The following ITPRID2 variants were observed in gnomAD, a reference collection of about 807,000 sequenced individuals.
ITPRID2 encodes ITPR interacting domain containing 2.
In ITPRID2, 60 loss-of-function variants were observed where a neutral mutation model predicts 124.3. The ratio of observed to expected loss-of-function variants is 0.48; its 90% CI spans 0.39 to 0.60. The LOEUF is 0.60. ITPRID2 is among the 20% of genes least tolerant of loss of function. The pLI is 0.00. For synonymous variants in ITPRID2, 521 were observed against 542.9 expected (o/e 0.96, Z 0.56); for missense variants, 1,553 against 1,512.2 (o/e 1.03, Z -0.45).
At position 181,891,910 on chromosome 2, in the gene ITPRID2, CT is replaced by C; in HGVS notation, c.-156del. 2 of 539,376 alleles carry C rather than the reference CT, an allele frequency of 3.7e-6. No homozygotes were observed. The highest frequency in any genetic ancestry group is 4.2e-5 in the South Asian group (2 of 47,614). The allele number at this position is 539,376 out of a possible 1,614,324, so 33.4% of individuals were successfully genotyped here. A position where few individuals can be genotyped will look rare whatever the true frequency, so the allele number is the denominator to read the frequency against. On this transcript the variant is annotated 5_prime_UTR_variant, in exon 1 of 18. Coordinates refer to ENST00000431877, the MANE Select transcript of ITPRID2 (RefSeq NM_001130445.3). ...TCCCTCCCCTTCCTTCCCTCCCTCC[CT>C]CCCTGTCCCCTCCTCCTCCTCCTCC...
At chr2:181,923,187 G>T (rs1694610301) in intron 16 of ITPRID2, among the ~76,000 whole-genome samples, 2 of 152,162 alleles carry the variant, frequency 1.3e-5, no homozygotes, top group East Asian at 1.9e-4. Context: ...TAAAATAAAT[G>T]TTTTTTGCAC....
chr2:181,918,682 T>A lies in ITPRID2; in HGVS notation c.2865+7T>A. 6.2e-7 allele frequency: 1 copy of A among 1,613,900 alleles called. No homozygotes were observed. Among genetic ancestry groups the A allele is most frequent in the Non-Finnish European group, 8.5e-7 (1 of 1,179,818 alleles). ...TGTTCTACCTCTTTATGAAGTAAGT[T>A]CTTTCTTACATCTTTGTGTTCCAAA... is the stretch of plus-strand genomic sequence containing the variant. On this transcript the variant is annotated splice_region_variant and intron_variant, in intron 12 of 17. Transcript: ENST00000431877.
intron 16 of ITPRID2, among the ~76,000 whole-genome samples, chr2:181,924,969 G>A (rs1694739741): frequency 1.3e-5 from 2 of 152,288 alleles, no homozygotes; most frequent in African/African-American, 4.8e-5. Flanking sequence ...TACTTAATAG[G>A]ATGAATGAAT....
Position 181,910,709 on chromosome 2 carries a change from C to A in ITPRID2, c.1486+738C>A. The A allele has an allele frequency of 1.6e-6, 1 of 622,246 alleles. No individual in the cohort carries two copies. Among genetic ancestry groups the A allele is most frequent in the Non-Finnish European group, 2.9e-6 (1 of 343,842 alleles). 38.5% of individuals were successfully genotyped at this position (622,246 alleles called of 1,614,324 possible). A position where few individuals can be genotyped will look rare whatever the true frequency, so the allele number is the denominator to read the frequency against. On this transcript the variant is annotated intron_variant, in intron 9 of 17. Coordinates refer to ENST00000431877, the MANE Select transcript of ITPRID2 (RefSeq NM_001130445.3). The surrounding 1 kb of genome is among the most constrained non-coding windows in gnomAD (Gnocchi z 4.1). ...TTAAACAAAGATTCGTATGTATGTTCCTAGAATAGGAAATTACATGTTTGT... is the reference window on the plus strand; with the variant it reads ...TTAAACAAAGATTCGTATGTATGTTACTAGAATAGGAAATTACATGTTTGT...
intron 7 of ITPRID2, 95 bp downstream of exon 7, chr2:181,900,999 A>ATTC: frequency 1.0e-6 from 1 of 970,586 alleles, no homozygotes; most frequent in Non-Finnish European, 1.5e-6. Flanking sequence ...CAGGAATAGC[A>ATTC]CTGGAAAGTA....
intron 16 of ITPRID2, among the ~76,000 whole-genome samples, chr2:181,922,776 G>GCTGGA (rs1192332019): frequency 2.0e-5 from 3 of 152,096 alleles, no homozygotes; most frequent in Non-Finnish European, 4.4e-5. Flanking sequence ...GCATTTTATA[G>GCTGGA]CTGGACGTGG....
At position 181,918,753 on chromosome 2, in the gene ITPRID2, A is replaced by G. The variant is rs942775793; in HGVS notation, c.2866-2A>G. 1.9e-6 allele frequency: 3 copies of G among 1,613,806 alleles called. No homozygotes were observed. Among genetic ancestry groups the G allele is most frequent in the African/African-American group, 2.7e-5 (2 of 74,916 alleles). On this transcript the variant is annotated splice_acceptor_variant, in intron 12 of 17. Transcript: ENST00000431877. LOFTEE classifies it high-confidence loss of function. ...GTGTAATTTTGTTATATTGCATTCT[A>G]GAATACTTTTCAGGAGCTCCAGGTA...
Position 181,915,933 on chromosome 2 carries a change from A to G in ITPRID2, c.2293A>G (p.Arg765Gly). Residue 765 changes from arginine to glycine, a missense_variant, in exon 11 of 18, where the codon AGA (arginine) becomes GGA (glycine). Physicochemically the swap from Arg to Gly is moderately radical, Grantham distance 125. Transcript: ENST00000431877. ...NVRLSPGKET[R>G]CSPPSFTYKY... Reference sequence around the variant, plus strand: ...TCGATTATCTCCAGGAAAAGAGACCAGATGCAGCCCACCTTCCTTCACCTA... The same window carrying G: ...TCGATTATCTCCAGGAAAAGAGACCGGATGCAGCCCACCTTCCTTCACCTA... 6.2e-7 allele frequency: 1 copy of G among 1,614,238 alleles called. No individual in the cohort carries two copies. The highest frequency in any genetic ancestry group is 8.5e-7 in the Non-Finnish European group (1 of 1,180,042).
chr2:181,893,749 A>G (rs187323152), intron 2 of ITPRID2: 1 of 152,198 alleles, frequency 6.6e-6, no homozygotes, highest in Non-Finnish European at 1.5e-5. Flanking sequence ...TCTAGCTGTA[A>G]ATCAATCTCC....
chr2:181,926,958 A>G (rs145142627), intron 16 of ITPRID2, among the ~76,000 whole-genome samples: 50 of 152,304 alleles, frequency 3.3e-4, no homozygotes, highest in African/African-American at 1.1e-3. Flanking sequence ...TGAAAAGTAA[A>G]TCTGAAGTGC....
chr2:181,911,836 A>T (rs1161466525), intron 9 of ITPRID2, among the ~76,000 whole-genome samples: 2 of 152,176 alleles, frequency 1.3e-5, no homozygotes, highest in African/African-American at 4.8e-5. Flanking sequence ...CAGAGGAGAG[A>T]AGCTATATTG....
rs1186169083 is a variant in ITPRID2, at chr2:181,892,821, A to G, written c.257+161A>G. 10 of 756,546 alleles carry G rather than the reference A, an allele frequency of 1.3e-5. No individual in the cohort carries two copies. Among genetic ancestry groups the G allele is most frequent in the African/African-American group, 8.7e-5 (5 of 57,360 alleles). The allele number at this position is 756,546 out of a possible 1,614,324, so 46.9% of individuals were successfully genotyped here. A position where few individuals can be genotyped will look rare whatever the true frequency, so the allele number is the denominator to read the frequency against. ...AGCTTCCTCCTCTAAGCGATTAGAAATGGAAGTGCTGTGACCGCTGATTAT... is the reference window on the plus strand; with the variant it reads ...AGCTTCCTCCTCTAAGCGATTAGAAGTGGAAGTGCTGTGACCGCTGATTAT... On this transcript the variant is annotated intron_variant, in intron 2 of 17. Coordinates refer to ENST00000431877, the MANE Select transcript of ITPRID2 (RefSeq NM_001130445.3). The surrounding 1 kb of genome is among the most constrained non-coding windows in gnomAD (Gnocchi z 5.2).
chr2:181,922,248 G>A lies in ITPRID2; in HGVS notation c.3511G>A (p.Asp1171Asn). The change falls in exon 16 of 18, where the codon GAT becomes AAT. Residue 1171 changes from aspartate to asparagine, a missense_variant. Physicochemically the swap from Asp to Asn is conservative, Grantham distance 23 (BLOSUM62 1). Coordinates refer to ENST00000431877, the MANE Select transcript of ITPRID2 (RefSeq NM_001130445.3). ...SRTGSVQTPP[D>N]LESSEEVDAA... The stretch of plus-strand genomic sequence containing the variant: ...AACAGGCTCTGTGCAGACACCTCCA[G>A]ATTTGGAAAGTTCTGAGGAAGTTGA... 1 of 1,614,236 alleles carries A rather than the reference G, an allele frequency of 6.2e-7. No individual in the cohort carries two copies. Among genetic ancestry groups the A allele is most frequent in the Non-Finnish European group, 8.5e-7 (1 of 1,180,046 alleles).
intron 8 of ITPRID2, among the ~76,000 whole-genome samples, chr2:181,906,887 G>A (rs1007398287): frequency 2.0e-5 from 3 of 152,214 alleles, no homozygotes; most frequent in Non-Finnish European, 4.4e-5. Flanking sequence ...ATGTTGGTAT[G>A]GTCAGGCATT....
Position 181,930,643 on chromosome 2 carries a change from A to T in ITPRID2, c.*1096A>T, listed in dbSNP as rs1695208839. The T allele has an allele frequency of 1.3e-5, 2 of 152,574 alleles. No homozygotes were observed. Among genetic ancestry groups the T allele is most frequent in the African/African-American group, 4.8e-5 (2 of 41,446 alleles). 9.5% of individuals were successfully genotyped at this position (152,574 alleles called of 1,614,324 possible). On this transcript the variant is annotated 3_prime_UTR_variant, in exon 18 of 18. Coordinates refer to ENST00000431877, the MANE Select transcript of ITPRID2 (RefSeq NM_001130445.3). The stretch of plus-strand genomic sequence containing the variant: ...GTTGTTAACAGTGTTCTTTGAAAGA[A>T]TCTCTAAAAGGCTTATAAATGTTTG...
Position 181,919,227 on chromosome 2 carries a change from T to C in ITPRID2, c.2994-69T>C. 6.4e-7 allele frequency: 1 copy of C among 1,567,480 alleles called. No individual in the cohort carries two copies. The highest frequency in any genetic ancestry group is 8.7e-7 in the Non-Finnish European group (1 of 1,147,746). The stretch of plus-strand genomic sequence containing the variant: ...CCTTCTGTTAGCATATAGTAGTTGT[T>C]GAAAGATTTGTGATTAGGAATCTCC... On this transcript the variant is annotated intron_variant, in intron 13 of 17. Transcript: ENST00000431877. The surrounding 1 kb of genome is among the most constrained non-coding windows in gnomAD (Gnocchi z 4.2).
chr2:181,917,053 T>G lies in ITPRID2; in HGVS notation c.2787+626T>G, dbSNP rs960182745. The G allele has an allele frequency of 1.9e-4, 183 of 970,792 alleles. 1 individual carries two copies. The highest frequency in any genetic ancestry group is 2.1e-4 in the Non-Finnish European group (174 of 816,782). The allele number at this position is 970,792 out of a possible 1,614,324, so 60.1% of individuals were successfully genotyped here. A position where few individuals can be genotyped will look rare whatever the true frequency, so the allele number is the denominator to read the frequency against. ...AATGCTCTGTATGTCTTGTCACTTT[T>G]AAAGTCATTCTCAGATTTGTTAGTA... On this transcript the variant is annotated intron_variant, in intron 11 of 17. Transcript: ENST00000431877.
At chr2:181,909,648 T>C (rs2125085827) in intron 8 of ITPRID2, among the ~76,000 whole-genome samples, 2 of 152,314 alleles carry the variant, frequency 1.3e-5, no homozygotes, top group South Asian at 4.1e-4. Flanking sequence ...GCACGTCTGA[T>C]GCACTAATTT....
At position 181,902,092 on chromosome 2, in the gene ITPRID2, A is replaced by G. The variant is rs766711776; in HGVS notation, c.1039A>G (p.Met347Val). The change falls in exon 8 of 18, where the codon ATG (methionine) becomes GTG (valine). Residue 347 changes from methionine to valine, a missense_variant. By Grantham distance (21) the Met-to-Val change is conservative (BLOSUM62 1). Transcript: ENST00000431877. This position sits in a 1 kb window ranked among gnomAD's most constrained non-coding sequence, Gnocchi z 4.4. ...AAACGATCAAAAGTCTCAAAAAATTATGAAGAAGAAAGAGTCATCTTCTAT... is the reference window on the plus strand; with the variant it reads ...AAACGATCAAAAGTCTCAAAAAATTGTGAAGAAGAAAGAGTCATCTTCTAT... ...NKNDQKSQKI[M>V]KKKESSSMLA... 1.2e-6 allele frequency: 2 copies of G among 1,610,884 alleles called. No individual in the cohort carries two copies. Among genetic ancestry groups the G allele is most frequent in the Admixed American group, 3.4e-5 (2 of 59,400 alleles).
Sources: allele counts gnomAD v4.1 joint callset (sites outside exome capture counted in the v4.1 genomes callset), GRCh38; gene constraint gnomAD v4.1.1; non-coding constraint Gnocchi (gnomAD v3.1); transcripts MANE v1.5; gene names NCBI Gene and HGNC (gene_info 2026-07-23, HGNC 2026-07-21).